BCAR3: variants seen among roughly 807,000 people sequenced by gnomAD.
BCAR3 encodes BCAR3 adaptor protein, NSP family member.
BCAR3 carries 37 observed loss-of-function variants against 80.1 expected under a neutral mutation model. The observed-to-expected ratio is 0.46, with a 90% CI of 0.36 to 0.61. BCAR3 has a LOEUF of 0.61. Among genes scored for constraint, BCAR3 ranks in the 20% least tolerant of loss-of-function variants. The pLI is 0.00. For synonymous variants in BCAR3, 389 were observed against 418.9 expected (o/e 0.93, Z 0.87); for missense variants, 978 against 1,068.2 (o/e 0.92, Z 1.18).
intron 3 of BCAR3, among the ~76,000 whole-genome samples, chr1:93,593,232 T>C (rs927279597): frequency 3.9e-5 from 6 of 152,184 alleles, no homozygotes; most frequent in African/African-American, 1.4e-4. Flanking sequence ...CAGGAACCGC[T>C]TGCTGAAAGT....
intron 2 of BCAR3, among the ~76,000 whole-genome samples, chr1:93,812,635 T>A (rs1485973164): frequency 6.6e-6 from 1 of 152,182 alleles, no homozygotes; most frequent in Non-Finnish European, 1.5e-5. Context: ...AGGCTGTCTG[T>A]CCCTAATCCC....
At chr1:93,800,324 A>G (rs1444806194) in intron 2 of BCAR3, among the ~76,000 whole-genome samples, 1 of 152,140 alleles carries the variant, frequency 6.6e-6, no homozygotes, top group Admixed American at 6.5e-5. Context: ...CTGTAATCCT[A>G]GCACCTTGGG....
intron 2 of BCAR3, among the ~76,000 whole-genome samples, chr1:93,721,409 A>G (rs1245777989): frequency 6.6e-6 from 1 of 152,104 alleles, no homozygotes. Context: ...TTAGGATCTA[A>G]CTCAAATGTC....
At chr1:93,709,750 A>G (rs900752375) in intron 2 of BCAR3, among the ~76,000 whole-genome samples, 1 of 152,208 alleles carries the variant, frequency 6.6e-6, no homozygotes, top group African/African-American at 2.4e-5. Context: ...TTTACAATCT[A>G]TAGGATTGTA....
upstream of BCAR3, among the ~76,000 whole-genome samples, chr1:93,682,121 A>C (rs545504934): frequency 6.6e-6 from 1 of 152,326 alleles, no homozygotes; most frequent in Non-Finnish European, 1.5e-5. Context: ...ATTACCCAAC[A>C]GATCTGCTTT....
At chr1:93,674,564 A>G (rs548823070) in intron 2 of BCAR3, 50 bp downstream of exon 2, 20 of 1,587,236 alleles carry the variant, frequency 1.3e-5, no homozygotes, top group Non-Finnish European at 1.7e-5. Context: ...AAACCTTTTA[A>G]AAAGCTGTTT....
At chr1:93,727,080 A>G (rs1041443890) in intron 2 of BCAR3, among the ~76,000 whole-genome samples, 2 of 152,312 alleles carry the variant, frequency 1.3e-5, no homozygotes, top group African/African-American at 2.4e-5. Flanking sequence ...ACTCTTGTAC[A>G]TGGTGGCTTT....
chr1:93,701,973 A>G (rs921324112), intron 3 of BCAR3, among the ~76,000 whole-genome samples: 2 of 152,100 alleles, frequency 1.3e-5, no homozygotes, highest in Non-Finnish European at 2.9e-5. Context: ...TAGTGGAAGA[A>G]CCCAGGCCAT....
intron 3 of BCAR3, among the ~76,000 whole-genome samples, chr1:93,704,904 A>G (rs1649781007): frequency 6.6e-6 from 1 of 152,192 alleles, no homozygotes; most frequent in Non-Finnish European, 1.5e-5. Context: ...CTTTTTCCTA[A>G]GACAAAAGTA....
At chr1:93,762,214 C>T (rs1651969884) in intron 2 of BCAR3, among the ~76,000 whole-genome samples, 1 of 152,200 alleles carries the variant, frequency 6.6e-6, no homozygotes, top group African/African-American at 2.4e-5. Flanking sequence ...CTCCATTGTC[C>T]TTCTCTCACT....
At chr1:93,613,834 A>C (rs1249145113) in intron 3 of BCAR3, 1 of 1,550,380 alleles carries the variant, frequency 6.5e-7, no homozygotes, top group Non-Finnish European at 8.7e-7. Flanking sequence ...CTTTATTTCC[A>C]AACCAAACCT....
chr1:93,782,785 C>A (rs910247818), intron 2 of BCAR3, among the ~76,000 whole-genome samples: 5 of 152,110 alleles, frequency 3.3e-5, no homozygotes, highest in South Asian at 4.1e-4. Context: ...AAATCACAAG[C>A]CTGATGGATA....
intron 3 of BCAR3, among the ~76,000 whole-genome samples, chr1:93,634,186 T>C (rs1199289839): frequency 6.6e-6 from 1 of 152,182 alleles, no homozygotes. Context: ...AATTTTAGAG[T>C]ACGTAGCCTT....
At chr1:93,608,201 G>C (rs1419887477) in intron 3 of BCAR3, among the ~76,000 whole-genome samples, 1 of 152,108 alleles carries the variant, frequency 6.6e-6, no homozygotes, top group Non-Finnish European at 1.5e-5. Flanking sequence ...CAGAAAAATA[G>C]GCCATAAGAT....
intron 2 of BCAR3, among the ~76,000 whole-genome samples, chr1:93,642,694 T>C (rs1000658461): frequency 6.6e-6 from 1 of 152,212 alleles, no homozygotes; most frequent in Non-Finnish European, 1.5e-5. Flanking sequence ...CGTGTGGCAC[T>C]TTCGGTCACT....
chr1:93,599,055 C>T (rs77106241), intron 3 of BCAR3: 6,873 of 152,214 alleles, frequency 0.045, 504 homozygotes, highest in African/African-American at 0.16. Flanking sequence ...ACATCTTCAC[C>T]CCAAGCATGC....
chr1:93,776,575 T>C (rs967239949), intron 2 of BCAR3, among the ~76,000 whole-genome samples: 3 of 152,272 alleles, frequency 2.0e-5, no homozygotes, highest in African/African-American at 7.2e-5. Context: ...TATTATAATT[T>C]ACAGAGCTCT....
chr1:93,614,280 G>T, intron 3 of BCAR3: 1 of 481,558 alleles, frequency 2.1e-6, no homozygotes, highest in Non-Finnish European at 2.7e-6. Context: ...TTAGAGACCA[G>T]GCAGAAATCA....
rs151322895 is a variant in BCAR3, at chr1:93,674,914, A to T, written c.17T>A (p.Phe6Tyr). The change falls in exon 2 of 12, where the codon TTT (phenylalanine) becomes TAT (tyrosine). Residue 6 changes from phenylalanine (F) to tyrosine (Y), a missense_variant. By Grantham distance (22) the Phe-to-Tyr change is conservative. Transcript: ENST00000260502. MAAGKFASLPRNMPVN... is the reference protein window; with the variant it reads MAAGKYASLPRNMPVN... ...CGGCATGTTTCTGGGAAGGCTTGCAAATTTTCCTGCAGCCATAATTCTCAA... is the reference window on the plus strand; with the variant it reads ...CGGCATGTTTCTGGGAAGGCTTGCATATTTTCCTGCAGCCATAATTCTCAA... The T allele has an allele frequency of 8.6e-3, 13,429 of 1,560,174 alleles. 84 individuals carry two copies. Among genetic ancestry groups the T allele is most frequent in the Non-Finnish European group, 9.9e-3 (11,520 of 1,160,172 alleles).
Sources: gnomAD v4.1 joint callset for allele counts (sites outside exome capture counted in the v4.1 genomes callset) on GRCh38, gnomAD v4.1.1 for gene constraint, MANE v1.5 for transcripts, NCBI Gene and HGNC (gene_info 2026-07-23, HGNC 2026-07-21) for gene names.